The following MMGT1 variants were observed in gnomAD, a reference collection of about 807,000 sequenced individuals.
MMGT1 encodes the protein membrane magnesium transporter 1.
Under a neutral mutation model 11.7 loss-of-function variants are expected in MMGT1, and 2 were observed. The observed-to-expected ratio is 0.17, with a 90% CI of 0.07 to 0.54. MMGT1 has a LOEUF of 0.54. MMGT1 is among the 20% of genes least tolerant of loss of function. MMGT1 has a pLI of 0.94. For synonymous variants in MMGT1, 49 were observed against 44.4 expected (o/e 1.10, Z -0.41); for missense variants, 74 against 109.0 (o/e 0.68, Z 1.43).
chrX:135,970,595 G>A (rs1392632483), intron 2 of MMGT1, among the ~76,000 whole-genome samples: 1 of 111,735 alleles, frequency 8.9e-6, no homozygotes, highest in African/African-American at 3.3e-5. Flanking sequence ...CCAAATCTTT[G>A]AGCTTTATGA....
chrX:135,973,134 C>T (rs975746174), intron 1 of MMGT1, among the ~76,000 whole-genome samples: 1 of 111,848 alleles, frequency 8.9e-6, no homozygotes, highest in East Asian at 2.8e-4. Context: ...CCTTTAGACT[C>T]CCAGTCCAGT....
chrX:135,973,836 G>C lies in MMGT1; in HGVS notation c.-161C>G. 8.6e-7 allele frequency: 1 copy of C among 1,163,152 alleles called. No individual in the cohort carries two copies. Among genetic ancestry groups the C allele is most frequent in the Non-Finnish European group, 1.1e-6 (1 of 871,629 alleles). On this transcript the variant is annotated 5_prime_UTR_variant, in exon 1 of 4. Coordinates refer to ENST00000305963, the MANE Select transcript of MMGT1 (RefSeq NM_173470.3). ...AAAGCCAGAGGGCTGTGAGAAAACG[G>C]AAACAGGAATGCCGGGAAGAAGCAG...
intron 2 of MMGT1, among the ~76,000 whole-genome samples, chrX:135,969,890 G>A (rs1212062032): frequency 8.9e-6 from 1 of 111,747 alleles, no homozygotes; most frequent in Non-Finnish European, 1.9e-5. Context: ...GGGAGTAGAA[G>A]TGGAACTGCC....
chrX:135,963,410 G>T lies in MMGT1; in HGVS notation c.*1614C>A, dbSNP rs1156309414. ...CGTACCAGAAGAAAACAGTAGCCAA[G>T]TCTGATGGAAGGAGCTTGTTTCTTG... On this transcript the variant is annotated 3_prime_UTR_variant, in exon 4 of 4. Coordinates refer to ENST00000305963, the MANE Select transcript of MMGT1 (RefSeq NM_173470.3). 2 of 112,071 alleles carry T rather than the reference G, an allele frequency of 1.8e-5. No homozygotes were observed. Among genetic ancestry groups the T allele is most frequent in the Non-Finnish European group, 3.8e-5 (2 of 53,200 alleles). The allele number at this position is 112,071 out of a possible 1,213,427, so 9.2% of individuals were successfully genotyped here. A position where few individuals can be genotyped will look rare whatever the true frequency, so the allele number is the denominator to read the frequency against.
rs1291791210 is a variant in MMGT1 at position 135,961,581 on chromosome X, A to C, written c.*3443T>G. Among the ~76,000 whole-genome samples, 1 of 111,433 alleles carries C rather than the reference A, an allele frequency of 9.0e-6. No individual in the cohort carries two copies. The highest frequency in any genetic ancestry group is 3.3e-5 in the African/African-American group (1 of 30,621). Reference sequence around the variant, plus strand: ...AACACTTAATTAACAGGTTATTTTGAGATATTCCTAGGTAGGTTTGAATAC... The same window carrying C: ...AACACTTAATTAACAGGTTATTTTGCGATATTCCTAGGTAGGTTTGAATAC... On this transcript the variant is annotated 3_prime_UTR_variant, in exon 4 of 4. Transcript: ENST00000305963.
chrX:135,967,523 T>C (rs368903410), intron 2 of MMGT1, 30 bp from the exon 3 acceptor site: 12 of 817,197 alleles, frequency 1.5e-5, no homozygotes, highest in Admixed American at 3.1e-5. Flanking sequence ...TAATACTAAA[T>C]AACACAAACA....
Position 135,964,032 on chromosome X carries a change from G to A in MMGT1, c.*992C>T, listed in dbSNP as rs1405521052. On this transcript the variant is annotated 3_prime_UTR_variant, in exon 4 of 4. Coordinates refer to ENST00000305963, the MANE Select transcript of MMGT1 (RefSeq NM_173470.3). ...TACAAAACAATTTCTTAAATGACCT[G>A]ATTTTCCTAAAAACCTTAAAAACAT... The A allele has an allele frequency of 8.9e-6, 1 of 112,591 alleles. No individual in the cohort carries two copies. The highest frequency in any genetic ancestry group is 9.4e-5 in the Admixed American group (1 of 10,601). The allele number at this position is 112,591 out of a possible 1,213,427, so 9.3% of individuals were successfully genotyped here.
rs904302951 is a variant in MMGT1 at position 135,961,136 on chromosome X, T to C, written c.*3888A>G. The stretch of plus-strand genomic sequence containing the variant: ...CACTGTAGAATAAAAACTCATTATA[T>C]GTACAAGTATATTCACCACAATGTG... On this transcript the variant is annotated 3_prime_UTR_variant, in exon 4 of 4. Transcript: ENST00000305963. Among the ~76,000 whole-genome samples, 12 of 111,892 alleles carry C rather than the reference T, an allele frequency of 1.1e-4. No homozygotes were observed. The highest frequency in any genetic ancestry group is 3.6e-4 in the African/African-American group (11 of 30,811).
chrX:135,973,967 G>A lies in MMGT1; in HGVS notation c.-292C>T. 2 of 1,054,874 alleles carry A rather than the reference G, an allele frequency of 1.9e-6. No individual in the cohort carries two copies. The highest frequency in any genetic ancestry group is 2.5e-6 in the Non-Finnish European group (2 of 797,722). The allele number at this position is 1,054,874 out of a possible 1,213,427, so 86.9% of individuals were successfully genotyped here. A position where few individuals can be genotyped will look rare whatever the true frequency, so the allele number is the denominator to read the frequency against. ...AGTCATAAACGAAGAGGCGAAAGCG[G>A]GAGCTACGGGGAAGCGAAGAGGAAG... On this transcript the variant is annotated 5_prime_UTR_variant, in exon 1 of 4. Coordinates refer to ENST00000305963, the MANE Select transcript of MMGT1 (RefSeq NM_173470.3).
In MMGT1 at chrX:135,962,046, A is replaced by C. The variant is rs1245471319; in HGVS notation, c.*2978T>G. On this transcript the variant is annotated 3_prime_UTR_variant, in exon 4 of 4. Coordinates refer to ENST00000305963, the MANE Select transcript of MMGT1 (RefSeq NM_173470.3). ...AAATGAGATTAAAAGTCCAAAAAAA[A>C]AAAGCCCAAAAAACACTACCAAAAA... 1 of 110,899 alleles carries C rather than the reference A, an allele frequency of 9.0e-6. No individual in the cohort carries two copies. Among genetic ancestry groups the C allele is most frequent in the Non-Finnish European group, 1.9e-5 (1 of 52,955 alleles). 9.1% of individuals were successfully genotyped at this position (110,899 alleles called of 1,213,427 possible). A position where few individuals can be genotyped will look rare whatever the true frequency, so the allele number is the denominator to read the frequency against.
intron 2 of MMGT1, among the ~76,000 whole-genome samples, chrX:135,969,181 A>C (rs782689852): frequency 3.6e-4 from 38 of 106,195 alleles, no homozygotes; most frequent in Admixed American, 7.1e-4. Context: ...TATCTACCAC[A>C]AAAAAAAGGT....
At chrX:135,966,318 G>A (rs2089184977) in intron 3 of MMGT1, among the ~76,000 whole-genome samples, 1 of 112,466 alleles carries the variant, frequency 8.9e-6, no homozygotes, top group East Asian at 2.8e-4. Flanking sequence ...ATTGGGTGGG[G>A]CACGTTGGCT....
In MMGT1 at chrX:135,961,455, G is replaced by A. The variant is rs1347107538; in HGVS notation, c.*3569C>T. ...TGGTTACTTTTGGAGAGGAGTATTA[G>A]GGTAGGAGGGAAGGGACCAAGTTTT... On this transcript the variant is annotated 3_prime_UTR_variant, in exon 4 of 4. Transcript: ENST00000305963. 3.6e-5 allele frequency among the ~76,000 whole-genome samples: 4 copies of A among 111,376 alleles called. No individual in the cohort carries two copies. Among genetic ancestry groups the A allele is most frequent in the African/African-American group, 1.3e-4 (4 of 30,630 alleles).
chrX:135,962,747 C>T lies in MMGT1; in HGVS notation c.*2277G>A, dbSNP rs1021419033. ...GCCTGATTTTTGGCCTGATTTTTAG[C>T]CTGATTTTTAGCAGGACTCTTCCCG... is the stretch of plus-strand genomic sequence containing the variant. On this transcript the variant is annotated 3_prime_UTR_variant, in exon 4 of 4. Coordinates refer to ENST00000305963, the MANE Select transcript of MMGT1 (RefSeq NM_173470.3). 6.2e-5 allele frequency: 7 copies of T among 112,068 alleles called. No individual in the cohort carries two copies. Among genetic ancestry groups the T allele is most frequent in the African/African-American group, 1.3e-4 (4 of 30,818 alleles). The allele number at this position is 112,068 out of a possible 1,213,427, so 9.2% of individuals were successfully genotyped here.
chrX:135,970,238 G>T (rs2089209680), intron 2 of MMGT1, among the ~76,000 whole-genome samples: 1 of 109,570 alleles, frequency 9.1e-6, no homozygotes, highest in Non-Finnish European at 1.9e-5. Flanking sequence ...GTGGTGGTGG[G>T]CGCCTATAAT....
Position 135,961,720 on chromosome X carries a change from C to T in MMGT1, c.*3304G>A, listed in dbSNP as rs1408300805. 9.0e-6 allele frequency among the ~76,000 whole-genome samples: 1 copy of T among 111,473 alleles called. No individual in the cohort carries two copies. Among genetic ancestry groups the T allele is most frequent in the South Asian group, 3.7e-4 (1 of 2,697 alleles). ...TGCTTCCTTGATGCTTTAATCATAA[C>T]GATTTCCTATTAAGTATAAAGTGAC... is the stretch of plus-strand genomic sequence containing the variant. On this transcript the variant is annotated 3_prime_UTR_variant, in exon 4 of 4. Coordinates refer to ENST00000305963, the MANE Select transcript of MMGT1 (RefSeq NM_173470.3).
rs1351661525 is a variant in MMGT1, at chrX:135,968,614, C to T, written c.133-1121G>A. Among the ~76,000 whole-genome samples the T allele has an allele frequency of 1.2e-4, 13 of 107,606 alleles. 1 individual carries two copies. Among genetic ancestry groups the T allele is most frequent in the Non-Finnish European group, 7.7e-5 (4 of 52,069 alleles). 93.4% of individuals were successfully genotyped at this position (107,606 alleles called of 115,157 possible). On this transcript the variant is annotated intron_variant, in intron 2 of 3. Transcript: ENST00000305963. ...TGGTGCAATCTCGGCTCACTGCAAC[C>T]TCAGCCTCCCAGGTTCAAGTGATTC...
At position 135,973,680 on chromosome X, in the gene MMGT1, C is replaced by T. The variant is rs1019724241; in HGVS notation, c.-5G>A. 4 of 1,167,366 alleles carry T rather than the reference C, an allele frequency of 3.4e-6. No individual in the cohort carries two copies. Among genetic ancestry groups the T allele is most frequent in the East Asian group, 3.3e-5 (1 of 30,739 alleles). ...CTTCCACAGCGACGGCGCCATGATGCCGAAGGAGCAGCAGCCCAGCAAAAG... is the reference window on the plus strand; with the variant it reads ...CTTCCACAGCGACGGCGCCATGATGTCGAAGGAGCAGCAGCCCAGCAAAAG... On this transcript the variant is annotated 5_prime_UTR_variant, in exon 1 of 4. Coordinates refer to ENST00000305963, the MANE Select transcript of MMGT1 (RefSeq NM_173470.3).
In MMGT1 at chrX:135,973,975, G is replaced by C. The variant is rs1427676652; in HGVS notation, c.-300C>G. ...ACGAAGAGGCGAAAGCGGGAGCTAC[G>C]GGGAAGCGAAGAGGAAGGGCGCCGG... On this transcript the variant is annotated 5_prime_UTR_variant, in exon 1 of 4. Coordinates refer to ENST00000305963, the MANE Select transcript of MMGT1 (RefSeq NM_173470.3). 4 of 1,039,382 alleles carry C rather than the reference G, an allele frequency of 3.8e-6. No individual in the cohort carries two copies. The highest frequency in any genetic ancestry group is 2.1e-5 in the African/African-American group (1 of 47,154). 85.7% of individuals were successfully genotyped at this position (1,039,382 alleles called of 1,213,427 possible).
Sources: gnomAD v4.1 joint callset for allele counts (sites outside exome capture counted in the v4.1 genomes callset) on GRCh38, gnomAD v4.1.1 for gene constraint, MANE v1.5 for transcripts, NCBI Gene and HGNC (gene_info 2026-07-23, HGNC 2026-07-21) for gene names.